ENTPD1: variants seen among roughly 807,000 people sequenced by gnomAD.
ENTPD1 encodes the protein ectonucleoside triphosphate diphosphohydrolase 1.
A neutral mutation model predicts 57.0 loss-of-function variants in ENTPD1; 33 were observed. The ratio of observed to expected loss-of-function variants is 0.58; its 90% confidence interval spans 0.44 to 0.77. The LOEUF (loss-of-function observed/expected upper bound fraction) is 0.77, where lower values mean the gene tolerates loss of function less well. Among genes scored for constraint, ENTPD1 ranks in the 30% least tolerant of loss-of-function variants. The pLI is 0.00. For missense variants in ENTPD1, 501 were observed against 603.4 expected (o/e 0.83, Z 1.78); for synonymous variants, 202 against 218.8 (o/e 0.92, Z 0.68).
chr10:95,698,426 A>G, the ENTPD1 span, among the ~76,000 whole-genome samples: 3 of 152,268 alleles, frequency 2.0e-5, no homozygotes, highest in Non-Finnish European at 4.4e-5. Flanking sequence ...CCACATGAAG[A>G]GTAAAAAAGC....
intron 2 of ENTPD1, among the ~76,000 whole-genome samples, chr10:95,826,414 A>G (rs2098376606): frequency 6.6e-6 from 1 of 151,988 alleles, no homozygotes; most frequent in South Asian, 2.1e-4. Context: ...CTCTACTAAA[A>G]TACAAAAAAT....
Position 95,868,554 on chromosome 10 carries a change from T to C in ENTPD1, c.*2171T>C, listed in dbSNP as rs1487271090. On this transcript the variant is annotated 3_prime_UTR_variant, in exon 10 of 10. Coordinates refer to ENST00000371205, the MANE Select transcript of ENTPD1 (RefSeq NM_001776.6). ...AATAAGTTGAGCCAATAACAGCCGC[T>C]TTTTTCCTTCTGTCTGCGTATACAA... The C allele has an allele frequency of 1.0e-6, 1 of 985,416 alleles. No homozygotes were observed. The highest frequency in any genetic ancestry group is 1.7e-5 in the African/African-American group (1 of 57,330). 61.0% of individuals were successfully genotyped at this position (985,416 alleles called of 1,614,324 possible). A position where few individuals can be genotyped will look rare whatever the true frequency, so the allele number is the denominator to read the frequency against.
intron 1 of ENTPD1, among the ~76,000 whole-genome samples, chr10:95,810,179 T>TGG (rs2098298275): frequency 1.1e-4 from 3 of 27,906 alleles, no homozygotes; most frequent in Middle Eastern, 0.023. Flanking sequence ...CCCGGACGGG[T>TGG]TGGCCGGGCA....
intron 1 of ENTPD1, among the ~76,000 whole-genome samples, chr10:95,729,919 T>C (rs935807433): frequency 6.6e-6 from 1 of 152,240 alleles, no homozygotes; most frequent in Non-Finnish European, 1.5e-5. Flanking sequence ...CTTAGTGATA[T>C]CCCGATTCCT....
chr10:95,835,751 A>G (rs372934143), intron 2 of ENTPD1, among the ~76,000 whole-genome samples: 7 of 151,950 alleles, frequency 4.6e-5, no homozygotes, highest in South Asian at 4.2e-4. Flanking sequence ...AGAAGTGTCT[A>G]TTTATGTCTT....
chr10:95,753,069 T>C (rs117166949), upstream of ENTPD1: 4 of 152,302 alleles, frequency 2.6e-5, no homozygotes, highest in East Asian at 7.7e-4. Flanking sequence ...CTAAGAACTT[T>C]ATAAGACCAT....
In ENTPD1 at chr10:95,860,453, C is replaced by T. The variant is rs371256855; in HGVS notation, c.1075-16C>T. 148 of 1,605,270 alleles carry T rather than the reference C, an allele frequency of 9.2e-5. No homozygotes were observed. The highest frequency in any genetic ancestry group is 4.3e-4 in the African/African-American group (32 of 74,796). The stretch of plus-strand genomic sequence containing the variant: ...CTGTGTGGAACACAGCCTAAAACTG[C>T]GATTTTCTCTTGTAGGCATTTTCAG... On this transcript the variant is annotated splice_polypyrimidine_tract_variant and intron_variant, in intron 7 of 9. Transcript: ENST00000371205.
chr10:95,751,006 G>A (rs1317119000), upstream of ENTPD1, among the ~76,000 whole-genome samples: 1 of 152,150 alleles, frequency 6.6e-6, no homozygotes, highest in Non-Finnish European at 1.5e-5. Flanking sequence ...CTGGGTGACA[G>A]AGCGAGACTC....
chr10:95,788,879 CAATAGAGA>C lies in ENTPD1; in HGVS notation c.16+32628_16+32635del, dbSNP rs1270447994. 2.0e-5 allele frequency among the ~76,000 whole-genome samples: 3 copies of C among 151,930 alleles called. No individual in the cohort carries two copies. The South Asian group carries it at 6.2e-4, about 32-fold the overall frequency. On this transcript the variant is annotated intron_variant, in intron 1 of 9. Coordinates refer to ENST00000371205, the MANE Select transcript of ENTPD1 (RefSeq NM_001776.6). ...AACAGTTTTCCCCCGAGGATTTGTA[CAATAGAGA>C]AATGGATGCAAGTAATTGAGAAGAA...
intron 1 of ENTPD1, among the ~76,000 whole-genome samples, chr10:95,735,279 C>T (rs778681190): frequency 6.6e-6 from 1 of 152,120 alleles, no homozygotes; most frequent in Admixed American, 6.5e-5. Flanking sequence ...GATTCTCCCG[C>T]CTCAACTGGG....
rs893605910 is a variant in ENTPD1, at chr10:95,874,246, G to T, written c.*7863G>T. Among the ~76,000 whole-genome samples, 4 of 152,162 alleles carry T rather than the reference G, an allele frequency of 2.6e-5. No individual in the cohort carries two copies. Among genetic ancestry groups the T allele is most frequent in the African/African-American group, 7.2e-5 (3 of 41,438 alleles). ...AGCTAGTTACCTCCTAGATACAATG[G>T]GGGGTACAGGTATTGGGTAAATACA... is the stretch of plus-strand genomic sequence containing the variant. On this transcript the variant is annotated 3_prime_UTR_variant, in exon 10 of 10. Coordinates refer to ENST00000371205, the MANE Select transcript of ENTPD1 (RefSeq NM_001776.6).
At chr10:95,808,576 G>A (rs577907974) in intron 1 of ENTPD1, among the ~76,000 whole-genome samples, 1 of 152,300 alleles carries the variant, frequency 6.6e-6, no homozygotes, top group South Asian at 2.1e-4. Flanking sequence ...AAGTGGGGGA[G>A]TTAGTTTGAT....
chr10:95,719,611 G>T (rs1395410963), intron 1 of ENTPD1, among the ~76,000 whole-genome samples: 1 of 152,184 alleles, frequency 6.6e-6, no homozygotes, highest in East Asian at 1.9e-4. Context: ...CTGAGCCTTT[G>T]GTTTGGAAAC....
At chr10:95,826,092 T>C (rs1053545703) in intron 2 of ENTPD1, among the ~76,000 whole-genome samples, 4 of 152,184 alleles carry the variant, frequency 2.6e-5, no homozygotes, top group Non-Finnish European at 4.4e-5. Flanking sequence ...AGGCAGTATA[T>C]AGATATGACT....
At chr10:95,780,179 G>T (rs1030036832) in intron 1 of ENTPD1, among the ~76,000 whole-genome samples, 3 of 152,166 alleles carry the variant, frequency 2.0e-5, no homozygotes, top group Non-Finnish European at 4.4e-5. Flanking sequence ...TTATTTGATA[G>T]GTTGAGGTGA....
chr10:95,867,227 A>G lies in ENTPD1; in HGVS notation c.*844A>G, dbSNP rs915247304. 1.0e-6 allele frequency: 1 copy of G among 978,734 alleles called. No individual in the cohort carries two copies. 60.6% of individuals were successfully genotyped at this position (978,734 alleles called of 1,614,324 possible). On this transcript the variant is annotated 3_prime_UTR_variant, in exon 10 of 10. Coordinates refer to ENST00000371205, the MANE Select transcript of ENTPD1 (RefSeq NM_001776.6). Reference sequence around the variant, plus strand: ...TTATTATGGTAAAATATACATAAATATAATTCACCATTTTAACATTTAATT... The same window carrying G: ...TTATTATGGTAAAATATACATAAATGTAATTCACCATTTTAACATTTAATT...
At chr10:95,705,035 A>G in the ENTPD1 span, among the ~76,000 whole-genome samples, 1 of 152,128 alleles carries the variant, frequency 6.6e-6, no homozygotes, top group Admixed American at 6.6e-5. Context: ...TAAAAGAGAA[A>G]CTCAACATCA....
intron 1 of ENTPD1, among the ~76,000 whole-genome samples, chr10:95,818,980 A>T (rs1010289765): frequency 6.6e-6 from 1 of 152,238 alleles, no homozygotes; most frequent in Non-Finnish European, 1.5e-5. Flanking sequence ...ATTTGAATCT[A>T]GTCAGTCACA....
Position 95,797,130 on chromosome 10 carries a change from G to A in ENTPD1, c.17-26107G>A, listed in dbSNP as rs185588473. ...CAAATAGATTTGAGAGGTATTTAGTGGGTGGAATCAACAAAACTTGGAGAT... is the reference window on the plus strand; with the variant it reads ...CAAATAGATTTGAGAGGTATTTAGTAGGTGGAATCAACAAAACTTGGAGAT... On this transcript the variant is annotated intron_variant, in intron 1 of 9. Coordinates refer to ENST00000371205, the MANE Select transcript of ENTPD1 (RefSeq NM_001776.6). 9.3e-4 allele frequency among the ~76,000 whole-genome samples: 141 copies of A among 152,162 alleles called. 1 individual carries two copies. The highest frequency in any genetic ancestry group is 2.4e-3 in the Admixed American group (37 of 15,258).
Sources: allele counts gnomAD v4.1 joint callset (sites outside exome capture counted in the v4.1 genomes callset), GRCh38; gene constraint gnomAD v4.1.1; transcripts MANE v1.5; gene names NCBI Gene and HGNC (gene_info 2026-07-23, HGNC 2026-07-21).